The following RIT2 variants were observed in gnomAD, a reference collection of about 807,000 sequenced individuals.
RIT2 encodes GTP-binding protein Rit2.
Under a neutral mutation model 23.7 loss-of-function variants are expected in RIT2, and 24 were observed. The observed-to-expected ratio is 1.01, with a 90% CI of 0.73 to 1.43. RIT2 has a LOEUF of 1.43. Among genes scored for constraint, RIT2 ranks in the 40% most tolerant of loss-of-function variants. The pLI, the probability that RIT2 is intolerant of heterozygous loss-of-function variation, is 0.00. For synonymous variants in RIT2, 107 were observed against 91.1 expected (o/e 1.17, Z -0.99); for missense variants, 236 against 266.9 (o/e 0.88, Z 0.81).
intron 1 of RIT2, among the ~76,000 whole-genome samples, chr18:43,105,471 A>AGG (rs1472841907): frequency 7.1e-6 from 1 of 139,944 alleles, no homozygotes; most frequent in Non-Finnish European, 1.6e-5. Flanking sequence ...GAAGGGAGGA[A>AGG]GAGAGGAAGG....
At chr18:42,796,591 C>T (rs1055281540) in intron 4 of RIT2, among the ~76,000 whole-genome samples, 18 of 152,182 alleles carry the variant, frequency 1.2e-4, no homozygotes, top group Non-Finnish European at 2.1e-4. Flanking sequence ...TCTCCCTTAG[C>T]CCTGATATTT....
chr18:42,973,299 A>G lies in RIT2; in HGVS notation c.234+775T>C, dbSNP rs1180267820. Among the ~76,000 whole-genome samples the G allele has an allele frequency of 4.0e-5, 6 of 151,596 alleles. No homozygotes were observed. In the East Asian group the frequency reaches 9.7e-4, roughly 25 times the overall value. On this transcript the variant is annotated intron_variant, in intron 3 of 4. Coordinates refer to ENST00000326695, the MANE Select transcript of RIT2 (RefSeq NM_002930.4). ...CATTATACCTCCTTGTTACCTTTTT[A>G]TGCTTTCTTTTTTGTCTTATATTGT...
At chr18:42,937,618 G>T (rs1413344077) in intron 3 of RIT2, among the ~76,000 whole-genome samples, 1 of 152,128 alleles carries the variant, frequency 6.6e-6, no homozygotes, top group Non-Finnish European at 1.5e-5. Flanking sequence ...TGCAAAGCTG[G>T]TTTACTTATC....
chr18:42,930,150 A>T (rs1909290236), intron 3 of RIT2, among the ~76,000 whole-genome samples: 2 of 152,154 alleles, frequency 1.3e-5, no homozygotes, highest in African/African-American at 2.4e-5. Flanking sequence ...TTTGGGTTTG[A>T]TGCAATAGGA....
chr18:42,828,018 A>G (rs1223757117), intron 4 of RIT2, among the ~76,000 whole-genome samples: 1 of 151,200 alleles, frequency 6.6e-6, no homozygotes, highest in Non-Finnish European at 1.5e-5. Context: ...AAAAAAAAAA[A>G]AAAAAAAAAG....
intron 4 of RIT2, among the ~76,000 whole-genome samples, chr18:42,912,188 T>G (rs930936903): frequency 1.3e-5 from 2 of 151,658 alleles, no homozygotes; most frequent in African/African-American, 4.8e-5. Flanking sequence ...AAAAACTTAT[T>G]ATATCATTTA....
intron 4 of RIT2, among the ~76,000 whole-genome samples, chr18:42,892,136 A>G (rs889281212): frequency 6.6e-6 from 1 of 152,194 alleles, no homozygotes; most frequent in African/African-American, 2.4e-5. Flanking sequence ...CATTCTGCCA[A>G]GGTTCATGCT....
intron 2 of RIT2, among the ~76,000 whole-genome samples, chr18:43,019,402 G>A (rs1344143727): frequency 6.6e-6 from 1 of 151,720 alleles, no homozygotes; most frequent in East Asian, 1.9e-4. Context: ...CAATAAACAT[G>A]ATACATCACA....
intron 4 of RIT2, among the ~76,000 whole-genome samples, chr18:42,899,510 G>A (rs902269212): frequency 6.6e-6 from 1 of 151,814 alleles, no homozygotes; most frequent in African/African-American, 2.4e-5. Flanking sequence ...CTTTTCTCTA[G>A]TAGCTGCTTA....
chr18:42,950,821 T>C (rs1909833757), intron 3 of RIT2, among the ~76,000 whole-genome samples: 2 of 151,034 alleles, frequency 1.3e-5, no homozygotes, highest in South Asian at 4.2e-4. Context: ...TCCACATCAC[T>C]AATCATCAGA....
chr18:42,766,762 C>G (rs915028396), intron 4 of RIT2, among the ~76,000 whole-genome samples: 1 of 152,196 alleles, frequency 6.6e-6, no homozygotes. Context: ...AAAGTGGTTT[C>G]ATGGGCAGGC....
chr18:42,920,582 T>C (rs1467588021), intron 4 of RIT2: 9 of 656,058 alleles, frequency 1.4e-5, no homozygotes, highest in Non-Finnish European at 2.1e-5. Context: ...TGAATAATGA[T>C]AAACACATAA....
At chr18:43,052,346 A>G (rs1355600439) in intron 1 of RIT2, among the ~76,000 whole-genome samples, 2 of 152,116 alleles carry the variant, frequency 1.3e-5, no homozygotes, top group Non-Finnish European at 2.9e-5. Context: ...TATAGGAGTG[A>G]TTTATTAATT....
At chr18:42,789,337 G>A (rs1175181740) in intron 4 of RIT2, among the ~76,000 whole-genome samples, 1 of 152,152 alleles carries the variant, frequency 6.6e-6, no homozygotes, top group Non-Finnish European at 1.5e-5. Flanking sequence ...CTGGTCTAAG[G>A]TTATATCTAT....
intron 1 of RIT2, among the ~76,000 whole-genome samples, chr18:43,047,970 A>G (rs1190987772): frequency 6.6e-6 from 1 of 152,150 alleles, no homozygotes; most frequent in African/African-American, 2.4e-5. Context: ...CAAAAGTTGA[A>G]GTACATGAGG....
At chr18:43,065,752 A>G (rs112045410) in intron 1 of RIT2, among the ~76,000 whole-genome samples, 2 of 151,542 alleles carry the variant, frequency 1.3e-5, no homozygotes, top group African/African-American at 4.8e-5. Context: ...GGTAACTCCC[A>G]CTTATGTGAT....
At chr18:42,897,679 T>A (rs1042163455) in intron 4 of RIT2, among the ~76,000 whole-genome samples, 2 of 152,038 alleles carry the variant, frequency 1.3e-5, no homozygotes, top group Admixed American at 1.3e-4. Flanking sequence ...GTTAGGGGAA[T>A]TAAAATAAAT....
chr18:42,821,308 G>A (rs774612399), intron 4 of RIT2, among the ~76,000 whole-genome samples: 2 of 152,094 alleles, frequency 1.3e-5, no homozygotes, highest in Non-Finnish European at 2.9e-5. Context: ...TTTAAAGAAG[G>A]AGTGATGAAC....
At position 42,800,518 on chromosome 18, in the gene RIT2, C is replaced by T. The variant is rs1212747415; in HGVS notation, c.427-56798G>A. ...TCCATTTGTTTGAAGCAGTTACATT[C>T]TTTTTTTTTTTTTTTTTTCTTTTAG... On this transcript the variant is annotated intron_variant, in intron 4 of 4. Coordinates refer to ENST00000326695, the MANE Select transcript of RIT2 (RefSeq NM_002930.4). Among the ~76,000 whole-genome samples the T allele has an allele frequency of 1.3e-3, 188 of 144,504 alleles. 15 individuals are homozygous for T. Among genetic ancestry groups the T allele is most frequent in the Non-Finnish European group, 1.5e-3 (98 of 66,328 alleles). The allele number at this position is 144,504 out of a possible 152,430, so 94.8% of individuals were successfully genotyped here.
Sources: allele counts gnomAD v4.1 joint callset (sites outside exome capture counted in the v4.1 genomes callset), GRCh38; gene constraint gnomAD v4.1.1; transcripts MANE v1.5; gene names NCBI Gene and HGNC (gene_info 2026-07-23, HGNC 2026-07-21).